Variants in SRGAP2B observed in about 807,000 individuals in gnomAD.
The protein encoded by SRGAP2B is SLIT-ROBO Rho GTPase activating protein 2B.
In SRGAP2B, 9 loss-of-function variants were observed where a neutral mutation model predicts 22.2. The ratio of observed to expected loss-of-function variants is 0.41; its 90% CI spans 0.24 to 0.71. SRGAP2B has a LOEUF of 0.71. Ranked by LOEUF, SRGAP2B falls within the 30% of genes least tolerant of loss-of-function variation. SRGAP2B has a pLI of 0.35. For missense variants in SRGAP2B, 114 were observed against 235.8 expected (o/e 0.48, Z 3.38); for synonymous variants, 36 against 87.4 (o/e 0.41, Z 3.28).
In SRGAP2B at chr1:144,937,140, A is replaced by G. The variant is rs112058128; in HGVS notation, c.423+18299T>C. Among the ~76,000 whole-genome samples, 4 of 146,308 alleles carry G rather than the reference A, an allele frequency of 2.7e-5. No homozygotes were observed. The Middle Eastern group carries it at 0.014, about 508-fold the overall frequency. ...AGTAAAGTTTTTTGTGACTCTTTCA[A>G]GAATTTTTCTTAAATTAAAAACTTA... is the stretch of plus-strand genomic sequence containing the variant. On this transcript the variant is annotated intron_variant, in intron 4 of 9. Coordinates refer to ENST00000612199, the Ensembl canonical transcript of SRGAP2B.
intron 4 of SRGAP2B, among the ~76,000 whole-genome samples, chr1:144,927,864 T>TCCA (rs1664858919): frequency 2.0e-4 from 1 of 4,930 alleles, no homozygotes; most frequent in African/African-American, 9.8e-4. Flanking sequence ...TCTAATCTGC[T>TCCA]ACTTGATCTA....
chr1:144,998,909 G>A (rs1388432092), intron 2 of SRGAP2B, among the ~76,000 whole-genome samples: 1 of 151,004 alleles, frequency 6.6e-6, no homozygotes, highest in East Asian at 1.9e-4. Context: ...CAAGGGGCAG[G>A]AAACAATGGG....
At chr1:144,922,884 G>T (rs1664356241) in intron 4 of SRGAP2B, among the ~76,000 whole-genome samples, 2 of 151,112 alleles carry the variant, frequency 1.3e-5, no homozygotes, top group Non-Finnish European at 2.9e-5. Flanking sequence ...TCTGGAATGT[G>T]TGAGCAGTAA....
At chr1:144,956,990 A>G (rs1667316332) in intron 3 of SRGAP2B, among the ~76,000 whole-genome samples, 1 of 150,802 alleles carries the variant, frequency 6.6e-6, no homozygotes, top group Non-Finnish European at 1.5e-5. Flanking sequence ...GTTATTAACC[A>G]CATTTGGAAG....
chr1:144,963,852 T>C (rs1253956658), intron 3 of SRGAP2B, among the ~76,000 whole-genome samples: 5 of 151,402 alleles, frequency 3.3e-5, no homozygotes, highest in African/African-American at 9.7e-5. Context: ...AGCCAGAAAC[T>C]CCTCCTGGCT....
intron 3 of SRGAP2B, among the ~76,000 whole-genome samples, chr1:144,985,612 G>A (rs1669654185): frequency 2.0e-5 from 3 of 150,656 alleles, no homozygotes; most frequent in Admixed American, 2.0e-4. Flanking sequence ...CAACGCATAG[G>A]AATACATTTA....
chr1:144,912,198 T>C (rs1443339901), intron 5 of SRGAP2B, among the ~76,000 whole-genome samples: 3 of 145,894 alleles, frequency 2.1e-5, no homozygotes, highest in African/African-American at 7.9e-5. Context: ...GTGATCTGCC[T>C]GCCTCAGCCT....
In SRGAP2B at chr1:144,923,340, C is replaced by T. The variant is rs1297296334; in HGVS notation, c.424-8586G>A. 3.3e-5 allele frequency among the ~76,000 whole-genome samples: 5 copies of T among 150,552 alleles called. 1 individual carries two copies. The highest frequency in any genetic ancestry group is 7.4e-5 in the Non-Finnish European group (5 of 67,960). On this transcript the variant is annotated intron_variant, in intron 4 of 9. Coordinates refer to ENST00000612199, the Ensembl canonical transcript of SRGAP2B. ...TTTTGGATAATGATTTGGCTGGGGG[C>T]GTAATGTCTTCAGGCCCTGATCTCT...
rs1241592731 is a variant in SRGAP2B at position 144,907,063 on chromosome 1, C to T, written c.487-989G>A. Among the ~76,000 whole-genome samples, 5 of 144,500 alleles carry T rather than the reference C, an allele frequency of 3.5e-5. No homozygotes were observed. The South Asian group carries it at 6.8e-4, about 20-fold the overall frequency. The allele number at this position is 144,500 out of a possible 152,430, so 94.8% of individuals were successfully genotyped here. A position where few individuals can be genotyped will look rare whatever the true frequency, so the allele number is the denominator to read the frequency against. ...TTTCTGTTTCCACACAGGGAGTTCA[C>T]GAGTGCTGAAAGTGTGATGCCATAA... On this transcript the variant is annotated intron_variant, in intron 5 of 9. Coordinates refer to ENST00000612199, the Ensembl canonical transcript of SRGAP2B.
chr1:144,963,655 CT>C (rs1287435148), intron 3 of SRGAP2B, among the ~76,000 whole-genome samples: 2 of 148,000 alleles, frequency 1.4e-5, no homozygotes, highest in African/African-American at 5.0e-5. Flanking sequence ...TAAATGAAAC[CT>C]TGGGAAATGA....
chr1:145,021,729 T>G (rs1262532747), intron 2 of SRGAP2B, among the ~76,000 whole-genome samples: 1 of 148,550 alleles, frequency 6.7e-6, no homozygotes, highest in African/African-American at 2.6e-5. Flanking sequence ...CAGGAGAATC[T>G]CTTGAACCCA....
In SRGAP2B at chr1:144,994,624, T is replaced by C. The variant is rs1413561241; in HGVS notation, c.260+384A>G. On this transcript the variant is annotated intron_variant, in intron 3 of 9. Coordinates refer to ENST00000612199, the Ensembl canonical transcript of SRGAP2B. Reference sequence around the variant, plus strand: ...AGAGAGAGAGAGACAGAGATTAAGATAGACCCTGAGTTAAGCCCCTTAACC... The same window carrying C: ...AGAGAGAGAGAGACAGAGATTAAGACAGACCCTGAGTTAAGCCCCTTAACC... Among the ~76,000 whole-genome samples the C allele has an allele frequency of 1.1e-4, 15 of 139,612 alleles. 1 individual carries two copies. Among genetic ancestry groups the C allele is most frequent in the South Asian group, 2.3e-4 (1 of 4,326 alleles). 91.6% of individuals were successfully genotyped at this position (139,612 alleles called of 152,430 possible).
At chr1:144,984,080 G>A (rs1669514625) in intron 3 of SRGAP2B, among the ~76,000 whole-genome samples, 1 of 150,558 alleles carries the variant, frequency 6.6e-6, no homozygotes, top group South Asian at 2.1e-4. Flanking sequence ...CAGCACTTTG[G>A]GAGGCCAAGG....
At chr1:145,021,724 G>T (rs1672810732) in intron 2 of SRGAP2B, among the ~76,000 whole-genome samples, 1 of 148,794 alleles carries the variant, frequency 6.7e-6, no homozygotes, top group Non-Finnish European at 1.5e-5. Flanking sequence ...TGACGCAGGA[G>T]AATCTCTTGA....
chr1:144,911,866 A>G (rs1570724479), intron 5 of SRGAP2B, among the ~76,000 whole-genome samples: 18 of 129,334 alleles, frequency 1.4e-4, no homozygotes, highest in East Asian at 2.4e-4. Flanking sequence ...TGATCCGCCC[A>G]CCTCAGCCTC....
intron 4 of SRGAP2B, among the ~76,000 whole-genome samples, chr1:144,942,900 G>A (rs1326696986): frequency 7.1e-6 from 1 of 141,196 alleles, no homozygotes; most frequent in Non-Finnish European, 1.5e-5. Context: ...TTTAAAAAAT[G>A]TAACTAGAAA....
chr1:144,947,449 T>G (rs1315665272), intron 4 of SRGAP2B, among the ~76,000 whole-genome samples: 1 of 147,346 alleles, frequency 6.8e-6, no homozygotes, highest in Admixed American at 6.8e-5. Context: ...ATTTCCTTAG[T>G]GCCAAAAGAA....
intron 2 of SRGAP2B, among the ~76,000 whole-genome samples, chr1:145,066,649 G>A (rs1189452325): frequency 7.3e-5 from 11 of 151,568 alleles, no homozygotes; most frequent in Non-Finnish European, 1.5e-4. Context: ...AACTTACTGT[G>A]AGCGCCCAGG....
At chr1:144,907,079 G>A in intron 5 of SRGAP2B, among the ~76,000 whole-genome samples, 1 of 146,996 alleles carries the variant, frequency 6.8e-6, no homozygotes, top group Non-Finnish European at 1.5e-5. Context: ...CTGAAAGTGT[G>A]ATGCCATAAG....
Sources: allele counts gnomAD v4.1 joint callset (sites outside exome capture counted in the v4.1 genomes callset), GRCh38; gene constraint gnomAD v4.1.1; transcripts MANE v1.5; gene names NCBI Gene and HGNC (gene_info 2026-07-23, HGNC 2026-07-21).